AP2B1: variants seen among roughly 807,000 people sequenced by gnomAD.
The protein encoded by AP2B1 is AP-2 complex subunit beta.
AP2B1 carries 23 observed loss-of-function variants against 102.0 expected under a neutral mutation model. That is an observed-to-expected ratio of 0.23 (90% CI 0.16 to 0.32). AP2B1 has a LOEUF of 0.32. Ranked by LOEUF, AP2B1 falls within the 10% of genes least tolerant of loss-of-function variation. The pLI, the probability that AP2B1 is intolerant of heterozygous loss-of-function variation, is 1.00. For missense variants in AP2B1, 541 were observed against 1,157.4 expected, an observed-to-expected ratio of 0.47 and a Z score of 7.73; for synonymous variants, 381 against 421.2, an observed-to-expected ratio of 0.90 and a Z score of 1.17.
At position 35,616,142 on chromosome 17, in the gene AP2B1, CTTTTTTTTTTTTTTTTTT is replaced by C. The variant is rs71152739; in HGVS notation, c.525+7777_525+7794del. ...TGAACTTAGGTTTTAAAAAATATCT[CTTTTTTTTTTTTTTTTTT>C]TTTTTTTTTTTTTTTTTTTTTGGAG... On this transcript the variant is annotated intron_variant, in intron 5 of 21. Coordinates refer to ENST00000610402, the MANE Select transcript of AP2B1 (RefSeq NM_001030006.2). Among the ~76,000 whole-genome samples the C allele has an allele frequency of 3.9e-3, 221 of 57,394 alleles. 5 individuals carry two copies. In the East Asian group the frequency reaches 0.067, roughly 17 times the overall value. The allele number at this position is 57,394 out of a possible 152,430, so 37.7% of individuals were successfully genotyped here.
At chr17:35,701,559 C>T (rs780856304) in intron 18 of AP2B1, among the ~76,000 whole-genome samples, 12 of 152,254 alleles carry the variant, frequency 7.9e-5, no homozygotes, top group African/African-American at 2.9e-4. Context: ...TCTTCTATTA[C>T]GGGAAATACA....
Position 35,705,706 on chromosome 17 carries a change from G to T in AP2B1, c.2455-3518G>T, listed in dbSNP as rs192283040. On this transcript the variant is annotated intron_variant, in intron 18 of 21. Coordinates refer to ENST00000610402, the MANE Select transcript of AP2B1 (RefSeq NM_001030006.2). The stretch of plus-strand genomic sequence containing the variant: ...CCAGCTAATTTTTGCATTTTTAGTA[G>T]AGATGGAATTTTGCCTTGTTGGCCA... Among the ~76,000 whole-genome samples the T allele has an allele frequency of 2.0e-5, 3 of 152,166 alleles. No homozygotes were observed. In the East Asian group the frequency reaches 5.8e-4, roughly 30 times the overall value.
chr17:35,696,004 C>T (rs1321216148), intron 18 of AP2B1, among the ~76,000 whole-genome samples: 1 of 152,158 alleles, frequency 6.6e-6, no homozygotes, highest in Non-Finnish European at 1.5e-5. Context: ...CAACTTTCAT[C>T]TGCCCACTCG....
At chr17:35,685,753 A>C (rs1005276951) in intron 18 of AP2B1, among the ~76,000 whole-genome samples, 3 of 152,124 alleles carry the variant, frequency 2.0e-5, no homozygotes, top group African/African-American at 7.2e-5. Flanking sequence ...AATTTAAAAG[A>C]TACCATTCAT....
intron 1 of AP2B1, among the ~76,000 whole-genome samples, chr17:35,591,993 G>C (rs1567756975): frequency 6.6e-6 from 1 of 152,184 alleles, no homozygotes; most frequent in African/African-American, 2.4e-5. Context: ...TTAGGATCAA[G>C]ACTATAAATA....
chr17:35,722,050 G>T (rs1413969552), intron 21 of AP2B1, among the ~76,000 whole-genome samples: 1 of 152,068 alleles, frequency 6.6e-6, no homozygotes, highest in Non-Finnish European at 1.5e-5. Flanking sequence ...AGACCAGCCT[G>T]GCCAACATGG....
At chr17:35,706,879 T>C (rs1019802139) in intron 18 of AP2B1, among the ~76,000 whole-genome samples, 1 of 152,240 alleles carries the variant, frequency 6.6e-6, no homozygotes, top group East Asian at 1.9e-4. Context: ...CTCGAACTCC[T>C]GACCTCAGGT....
intron 14 of AP2B1, among the ~76,000 whole-genome samples, chr17:35,668,286 T>C (rs939317803): frequency 1.8e-4 from 28 of 152,146 alleles, no homozygotes; most frequent in African/African-American, 6.8e-4. Flanking sequence ...CCAAAGTCAT[T>C]TCTGAGCAGA....
chr17:35,658,950 A>G (rs1156400167), intron 14 of AP2B1, among the ~76,000 whole-genome samples: 1 of 152,232 alleles, frequency 6.6e-6, no homozygotes, highest in Non-Finnish European at 1.5e-5. Context: ...TAGAATTTAT[A>G]CATTGACCAA....
intron 5 of AP2B1, among the ~76,000 whole-genome samples, chr17:35,616,246 G>C (rs1386055273): frequency 1.6e-5 from 2 of 125,624 alleles, no homozygotes; most frequent in Non-Finnish European, 3.2e-5. Flanking sequence ...CTCACTGCAA[G>C]CTCCGCCTCC....
At chr17:35,653,497 G>A (rs367661390) in intron 13 of AP2B1, among the ~76,000 whole-genome samples, 29 of 152,074 alleles carry the variant, frequency 1.9e-4, no homozygotes, top group African/African-American at 6.5e-4. Flanking sequence ...TTTTTGAGAC[G>A]GACTGTCATT....
intron 14 of AP2B1, among the ~76,000 whole-genome samples, chr17:35,666,938 C>T (rs1200302826): frequency 6.6e-6 from 1 of 152,132 alleles, no homozygotes; most frequent in Non-Finnish European, 1.5e-5. Context: ...GAAGTTAGAG[C>T]CCAGCCTGAA....
At chr17:35,706,674 CTT>C (rs2076345949) in intron 18 of AP2B1, among the ~76,000 whole-genome samples, 2 of 151,824 alleles carry the variant, frequency 1.3e-5, no homozygotes, top group South Asian at 4.2e-4. Flanking sequence ...GCAGTTCACT[CTT>C]GTCACCCAGG....
intron 18 of AP2B1, among the ~76,000 whole-genome samples, chr17:35,687,603 A>G (rs1021428200): frequency 6.6e-6 from 1 of 152,070 alleles, no homozygotes; most frequent in Non-Finnish European, 1.5e-5. Flanking sequence ...GCTGAAGTGC[A>G]GTAGTATAAT....
At chr17:35,706,734 G>A (rs988860720) in intron 18 of AP2B1, among the ~76,000 whole-genome samples, 6 of 151,740 alleles carry the variant, frequency 4.0e-5, no homozygotes, top group East Asian at 1.9e-4. Flanking sequence ...TCTGCCTCCC[G>A]GGTTCAAGTG....
intron 17 of AP2B1, among the ~76,000 whole-genome samples, chr17:35,680,380 C>T (rs587642563): frequency 1.1e-4 from 17 of 151,764 alleles, no homozygotes; most frequent in African/African-American, 3.6e-4. Flanking sequence ...TTTTTCCACC[C>T]GAAACAGGGT....
In AP2B1 at chr17:35,617,564, C is replaced by CT. The variant is rs201128992; in HGVS notation, c.526-6832dup. Among the ~76,000 whole-genome samples the CT allele has an allele frequency of 8.5e-3, 1,291 of 152,250 alleles. 11 individuals carry two copies. Among genetic ancestry groups the CT allele is most frequent in the African/African-American group, 0.026 (1,067 of 41,546 alleles). Reference sequence around the variant, plus strand: ...AACTTACCCACAAATGAAGCTAAATCTAAGAGTACTACTTACTACTTTTAC... The same window carrying CT: ...AACTTACCCACAAATGAAGCTAAATCTTAAGAGTACTACTTACTACTTTTAC... On this transcript the variant is annotated intron_variant, in intron 5 of 21. Transcript: ENST00000610402.
At chr17:35,685,617 T>C (rs2075914688) in intron 18 of AP2B1, among the ~76,000 whole-genome samples, 1 of 152,230 alleles carries the variant, frequency 6.6e-6, no homozygotes, top group African/African-American at 2.4e-5. Flanking sequence ...TTAATATCAA[T>C]GTGTAGAACA....
At chr17:35,663,540 TAC>T (rs1178552406) in intron 14 of AP2B1, among the ~76,000 whole-genome samples, 1 of 152,228 alleles carries the variant, frequency 6.6e-6, no homozygotes, top group Non-Finnish European at 1.5e-5. Context: ...CAGAATAGAA[TAC>T]AGTTTCACCT....
Sources: allele counts gnomAD v4.1 joint callset (sites outside exome capture counted in the v4.1 genomes callset), GRCh38; gene constraint gnomAD v4.1.1; transcripts MANE v1.5; gene names NCBI Gene and HGNC (gene_info 2026-07-23, HGNC 2026-07-21).